RCHY1: variants seen among roughly 807,000 people sequenced by gnomAD.
RCHY1 encodes RING finger and CHY zinc finger domain-containing protein 1.
RCHY1 carries 21 observed loss-of-function variants against 41.6 expected under a neutral mutation model. The ratio of observed to expected loss-of-function variants is 0.51; its 90% CI spans 0.36 to 0.73. The LOEUF is 0.73. Ranked by LOEUF, RCHY1 falls within the 30% of genes least tolerant of loss-of-function variation. The probability of loss-of-function intolerance (pLI) is 0.00; values close to 1 mark genes in which losing one functional copy is unlikely to be tolerated. For synonymous variants in RCHY1, 79 were observed against 102.9 expected (o/e 0.77, Z 1.41); for missense variants, 265 against 325.3 (o/e 0.81, Z 1.43).
chr4:75,503,456 G>T (rs1404007202), intron 3 of RCHY1, among the ~76,000 whole-genome samples: 1 of 152,126 alleles, frequency 6.6e-6, no homozygotes, highest in African/African-American at 2.4e-5. Context: ...CAGCATTTTG[G>T]GAGGCCAAGG....
intron 3 of RCHY1, among the ~76,000 whole-genome samples, chr4:75,503,994 G>A (rs184594046): frequency 6.6e-6 from 1 of 152,232 alleles, no homozygotes; most frequent in African/African-American, 2.4e-5. Flanking sequence ...ATGAAGAAAG[G>A]TCGTCTTTTC....
chr4:75,487,796 CAT>C (rs1553917693), intron 8 of RCHY1, among the ~76,000 whole-genome samples: 20 of 49,760 alleles, frequency 4.0e-4, no homozygotes, highest in East Asian at 2.7e-3. Context: ...TATATATATT[CAT>C]ATATATATTC....
intron 2 of RCHY1, 72 bp downstream of exon 2, chr4:75,509,105 T>C: frequency 7.0e-7 from 1 of 1,427,026 alleles, no homozygotes; most frequent in Non-Finnish European, 9.6e-7. Flanking sequence ...TTTATGATAC[T>C]TTTGATTAAA....
Position 75,490,594 on chromosome 4 carries a change from T to C in RCHY1, c.644A>G (p.Asn215Ser). ...GATTCTACTCACATCCACAGTCATG[T>C]TCTGATATTCTGATGGCATAGGAGT... ...AQTPMPSEYQ[N>S]MTVDILCNDC... Residue 215 changes from asparagine (N) to serine (S), a missense_variant, in exon 8 of 9, where the codon AAC (asparagine) becomes AGC (serine). By Grantham distance (46) the Asn-to-Ser change is conservative (BLOSUM62 1). Transcript: ENST00000324439. 4 of 1,612,524 alleles carry C rather than the reference T, an allele frequency of 2.5e-6. No individual in the cohort carries two copies. Among genetic ancestry groups the C allele is most frequent in the Non-Finnish European group, 3.4e-6 (4 of 1,179,038 alleles).
intron 8 of RCHY1, among the ~76,000 whole-genome samples, chr4:75,483,902 C>A (rs978478721): frequency 5.3e-5 from 8 of 152,074 alleles, no homozygotes; most frequent in African/African-American, 1.9e-4. Flanking sequence ...AAACTCAATA[C>A]CATGTATGGC....
At chr4:75,500,367 T>G (rs1163054647) in intron 3 of RCHY1, among the ~76,000 whole-genome samples, 4 of 152,182 alleles carry the variant, frequency 2.6e-5, no homozygotes, top group Non-Finnish European at 5.9e-5. Flanking sequence ...CCTCACTTTT[T>G]AAAAAGCTTA....
At chr4:75,491,536 T>G (rs1475072384) in intron 7 of RCHY1, 75 bp downstream of exon 7, 3 of 1,339,424 alleles carry the variant, frequency 2.2e-6, no homozygotes, top group Non-Finnish European at 3.2e-6. Context: ...GTAACAATGT[T>G]TGTCCACCTC....
intron 3 of RCHY1, among the ~76,000 whole-genome samples, chr4:75,504,055 A>G (rs775899161): frequency 5.3e-5 from 8 of 152,256 alleles, no homozygotes; most frequent in Non-Finnish European, 1.2e-4. Flanking sequence ...GAATTTGGTA[A>G]TATGTGTACA....
At chr4:75,506,823 C>T (rs1724364292) in intron 3 of RCHY1, among the ~76,000 whole-genome samples, 1 of 152,046 alleles carries the variant, frequency 6.6e-6, no homozygotes, top group African/African-American at 2.4e-5. Context: ...ATAAATATTA[C>T]ACTCAATCAA....
intron 3 of RCHY1, among the ~76,000 whole-genome samples, chr4:75,506,381 T>C (rs923537002): frequency 6.6e-6 from 1 of 151,190 alleles, no homozygotes; most frequent in Admixed American, 6.6e-5. Flanking sequence ...CCATAGATAA[T>C]CAAGATATTG....
At chr4:75,484,604 A>G (rs1721825511) in intron 8 of RCHY1, among the ~76,000 whole-genome samples, 1 of 152,184 alleles carries the variant, frequency 6.6e-6, no homozygotes, top group Non-Finnish European at 1.5e-5. Context: ...AGCCAAAGCC[A>G]AGATTCAAGG....
At chr4:75,509,363 G>A in intron 1 of RCHY1, 67 bp from the exon 2 acceptor site, 1 of 1,501,414 alleles carries the variant, frequency 6.7e-7, no homozygotes, top group Admixed American at 2.1e-5. Context: ...AATACAAAAA[G>A]AAAATTTCTT....
chr4:75,511,286 T>G (rs1395180621), intron 1 of RCHY1, among the ~76,000 whole-genome samples: 1 of 152,154 alleles, frequency 6.6e-6, no homozygotes, highest in African/African-American at 2.4e-5. Context: ...CCAAAAAAAG[T>G]CTTTTAAAAA....
At chr4:75,483,958 C>G (rs1721761607) in intron 8 of RCHY1, among the ~76,000 whole-genome samples, 2 of 152,114 alleles carry the variant, frequency 1.3e-5, no homozygotes, top group Admixed American at 1.3e-4. Flanking sequence ...AAAAGATGAT[C>G]ACTCTCCATA....
At chr4:75,484,414 C>T (rs952812495) in intron 8 of RCHY1, among the ~76,000 whole-genome samples, 4 of 152,106 alleles carry the variant, frequency 2.6e-5, no homozygotes, top group African/African-American at 7.2e-5. Context: ...AGCTAAAGAC[C>T]TCTTATGCCT....
intron 8 of RCHY1, among the ~76,000 whole-genome samples, chr4:75,487,032 G>A (rs531118061): frequency 1.3e-5 from 2 of 151,898 alleles, no homozygotes; most frequent in South Asian, 4.1e-4. Context: ...TCAAATTGAA[G>A]GAATAAAAAA....
chr4:75,506,786 C>G (rs975946997), intron 3 of RCHY1, among the ~76,000 whole-genome samples: 2 of 151,938 alleles, frequency 1.3e-5, no homozygotes, highest in African/African-American at 4.8e-5. Context: ...GCCACAGATT[C>G]AACAAATGCT....
chr4:75,480,538 A>T lies in RCHY1; in HGVS notation c.*2000T>A, dbSNP rs1038217280. On this transcript the variant is annotated 3_prime_UTR_variant, in exon 9 of 9. Transcript: ENST00000324439. ...CTCAGCTTTCTTGTCTATGAGGACAACACTTACCCCACAGAATCATTGTAG... is the reference window on the plus strand; with the variant it reads ...CTCAGCTTTCTTGTCTATGAGGACATCACTTACCCCACAGAATCATTGTAG... The T allele has an allele frequency of 2.6e-5, 4 of 152,186 alleles. No homozygotes were observed. Among genetic ancestry groups the T allele is most frequent in the Non-Finnish European group, 5.9e-5 (4 of 68,038 alleles). The allele number at this position is 152,186 out of a possible 1,614,324, so 9.4% of individuals were successfully genotyped here.
chr4:75,498,698 C>T (rs541493317), intron 3 of RCHY1, among the ~76,000 whole-genome samples: 1 of 152,118 alleles, frequency 6.6e-6, no homozygotes, highest in Non-Finnish European at 1.5e-5. Flanking sequence ...AAAGGACAAT[C>T]TCTTCAATAA....
Sources: allele counts gnomAD v4.1 joint callset (sites outside exome capture counted in the v4.1 genomes callset), GRCh38; gene constraint gnomAD v4.1.1; transcripts MANE v1.5; gene names NCBI Gene and HGNC (gene_info 2026-07-23, HGNC 2026-07-21).